FLVCR2: variants seen among roughly 807,000 people sequenced by gnomAD.
FLVCR2 encodes FLVCR choline and putative heme transporter 2.
In FLVCR2, 38 loss-of-function variants were observed where a neutral mutation model predicts 48.9. That is an observed-to-expected ratio of 0.78 (90% CI 0.60 to 1.02). The LOEUF is 1.02. Ranked by LOEUF, FLVCR2 falls within the 50% of genes least tolerant of loss-of-function variation. The probability of loss-of-function intolerance (pLI) is 0.00; values close to 1 mark genes in which losing one functional copy is unlikely to be tolerated. For missense variants in FLVCR2, 664 were observed against 663.3 expected, an observed-to-expected ratio of 1.00 and a Z score of -0.01; for synonymous variants, 255 against 257.0, an observed-to-expected ratio of 0.99 and a Z score of 0.07.
intron 1 of FLVCR2, among the ~76,000 whole-genome samples, chr14:75,607,426 G>C (rs1026453528): frequency 1.3e-5 from 2 of 152,180 alleles, no homozygotes; most frequent in African/African-American, 4.8e-5. Flanking sequence ...ACCAGAAGTG[G>C]TTCTGGATCA....
chr14:75,613,812 A>C (rs1889529436), intron 1 of FLVCR2, among the ~76,000 whole-genome samples: 1 of 152,160 alleles, frequency 6.6e-6, no homozygotes, highest in African/African-American at 2.4e-5. Flanking sequence ...TGGCCTCCCA[A>C]AGTGCTGGGA....
At position 75,641,179 on chromosome 14, in the gene FLVCR2, C is replaced by A; in HGVS notation, c.1342-3C>A. 6.2e-7 allele frequency: 1 copy of A among 1,606,250 alleles called. No homozygotes were observed. Among genetic ancestry groups the A allele is most frequent in the Non-Finnish European group, 8.5e-7 (1 of 1,172,930 alleles). On this transcript the variant is annotated splice_polypyrimidine_tract_variant and splice_region_variant and intron_variant, in intron 7 of 9. Coordinates refer to ENST00000238667, the MANE Select transcript of FLVCR2 (RefSeq NM_017791.3). ...GTTTCCTATCTTCTTTATGCCTTTC[C>A]AGGTATTTGGGATCATCTTTACCAT...
chr14:75,611,227 C>T (rs1889436686), intron 1 of FLVCR2, among the ~76,000 whole-genome samples: 1 of 152,208 alleles, frequency 6.6e-6, no homozygotes, highest in African/African-American at 2.4e-5. Context: ...ACCCTTGCTT[C>T]CTCCGACAGC....
At chr14:75,632,679 C>T in intron 3 of FLVCR2, 1 of 702,306 alleles carries the variant, frequency 1.4e-6, no homozygotes, top group South Asian at 1.5e-5. Flanking sequence ...TGACTTACAC[C>T]CTTCCAAGTA....
chr14:75,644,636 T>G (rs1341549122), intron 9 of FLVCR2, among the ~76,000 whole-genome samples: 1 of 152,096 alleles, frequency 6.6e-6, no homozygotes, highest in South Asian at 2.1e-4. Flanking sequence ...AGCATGGTAT[T>G]ATGGGGGGTC....
intron 1 of FLVCR2, among the ~76,000 whole-genome samples, chr14:75,609,536 T>G (rs1017286689): frequency 6.6e-6 from 1 of 152,212 alleles, no homozygotes; most frequent in Non-Finnish European, 1.5e-5. Flanking sequence ...GCAAGCTTAG[T>G]TAACTTATGA....
intron 1 of FLVCR2, among the ~76,000 whole-genome samples, chr14:75,582,204 C>G (rs1488277417): frequency 6.6e-6 from 1 of 152,142 alleles, no homozygotes; most frequent in Non-Finnish European, 1.5e-5. Context: ...GTAAAGCAGC[C>G]TTGAGAAGAG....
intron 2 of FLVCR2, among the ~76,000 whole-genome samples, chr14:75,622,944 C>T (rs1889801879): frequency 6.6e-6 from 1 of 151,972 alleles, no homozygotes; most frequent in Non-Finnish European, 1.5e-5. Context: ...AACCACAAAC[C>T]TTAGATATCT....
intron 1 of FLVCR2, among the ~76,000 whole-genome samples, chr14:75,589,165 A>G (rs1249304476): frequency 6.6e-6 from 1 of 152,144 alleles, no homozygotes; most frequent in African/African-American, 2.4e-5. Flanking sequence ...GCAGTGAACC[A>G]TGTACATGCC....
At chr14:75,579,735 C>G in intron 1 of FLVCR2, 94 bp downstream of exon 1, 1 of 1,387,490 alleles carries the variant, frequency 7.2e-7, no homozygotes. Context: ...GATTGTCCAA[C>G]AGTGTTTGTG....
chr14:75,608,289 G>A (rs1312794627), intron 1 of FLVCR2, among the ~76,000 whole-genome samples: 2 of 152,120 alleles, frequency 1.3e-5, no homozygotes, highest in African/African-American at 4.8e-5. Flanking sequence ...CCTCTCATCG[G>A]CAAAGAAAGG....
intron 3 of FLVCR2, among the ~76,000 whole-genome samples, chr14:75,625,441 G>A (rs1374368161): frequency 6.6e-6 from 1 of 151,920 alleles, no homozygotes; most frequent in Non-Finnish European, 1.5e-5. Context: ...CCTGTAATAA[G>A]ATTGTTGGAT....
At chr14:75,635,477 T>C (rs1373993438) in intron 5 of FLVCR2, among the ~76,000 whole-genome samples, 2 of 152,242 alleles carry the variant, frequency 1.3e-5, no homozygotes, top group Non-Finnish European at 2.9e-5. Context: ...CAGTGTATAT[T>C]ATTGTGCAAT....
At chr14:75,640,883 G>C in intron 6 of FLVCR2, 72 bp from the exon 7 acceptor site, 1 of 1,016,890 alleles carries the variant, frequency 9.8e-7, no homozygotes, top group Non-Finnish European at 1.6e-6. Context: ...AGTCCTAGGG[G>C]AGGAGGTGGG....
intron 1 of FLVCR2, among the ~76,000 whole-genome samples, chr14:75,618,712 A>G (rs1889677949): frequency 6.6e-6 from 1 of 152,172 alleles, no homozygotes; most frequent in Non-Finnish European, 1.5e-5. Flanking sequence ...TGTCAAATGA[A>G]TGACAACCCA....
chr14:75,632,859 G>C, intron 3 of FLVCR2: 1 of 702,336 alleles, frequency 1.4e-6, no homozygotes, highest in Non-Finnish European at 2.6e-6. Flanking sequence ...TTCTAGAGTT[G>C]TCATAAAGTG....
chr14:75,603,205 C>T (rs1484248717), intron 1 of FLVCR2, among the ~76,000 whole-genome samples: 1 of 152,170 alleles, frequency 6.6e-6, no homozygotes, highest in Non-Finnish European at 1.5e-5. Context: ...AGCCTGAAAC[C>T]GCAGCCCAAA....
At chr14:75,592,814 C>A (rs1275837327) in intron 1 of FLVCR2, among the ~76,000 whole-genome samples, 2 of 151,952 alleles carry the variant, frequency 1.3e-5, no homozygotes, top group Non-Finnish European at 2.9e-5. Flanking sequence ...CATGGTGAAA[C>A]CCCACCTTTA....
chr14:75,624,035 G>A (rs1443912231), intron 2 of FLVCR2, among the ~76,000 whole-genome samples: 3 of 152,020 alleles, frequency 2.0e-5, no homozygotes, highest in African/African-American at 7.2e-5. Flanking sequence ...CTGGGCGACA[G>A]AGCGAGACTT....
Sources: gnomAD v4.1 joint callset for allele counts (sites outside exome capture counted in the v4.1 genomes callset) on GRCh38, gnomAD v4.1.1 for gene constraint, MANE v1.5 for transcripts, NCBI Gene and HGNC (gene_info 2026-07-23, HGNC 2026-07-21) for gene names.